The following RBFOX3 variants were observed in gnomAD, a reference collection of about 807,000 sequenced individuals.
The protein encoded by RBFOX3 is RNA binding protein fox-1 homolog 3.
A neutral mutation model predicts 48.7 loss-of-function variants in RBFOX3; 17 were observed. The ratio of observed to expected loss-of-function variants is 0.35; its 90% CI spans 0.24 to 0.52. RBFOX3 has a LOEUF of 0.52. RBFOX3 is among the 20% of genes least tolerant of loss of function. The pLI is 0.94. For synonymous variants in RBFOX3, 212 were observed against 209.5 expected, an observed-to-expected ratio of 1.01 and a Z score of -0.10; for missense variants, 382 against 497.5, an observed-to-expected ratio of 0.77 and a Z score of 2.21.
At chr17:79,395,451 A>G (rs1568174695) in intron 2 of RBFOX3, among the ~76,000 whole-genome samples, 2 of 152,336 alleles carry the variant, frequency 1.3e-5, no homozygotes, top group East Asian at 1.9e-4. Flanking sequence ...ACACGGCTCC[A>G]TTTGTACAGG....
At chr17:79,619,878 C>T in the RBFOX3 span, among the ~76,000 whole-genome samples, 3 of 152,186 alleles carry the variant, frequency 2.0e-5, 1 homozygote, top group East Asian at 5.8e-4. Context: ...CTCTGGCCGT[C>T]GTCCAGGTTG....
At chr17:79,442,995 T>C (rs1198282170) in intron 2 of RBFOX3, among the ~76,000 whole-genome samples, 2 of 152,220 alleles carry the variant, frequency 1.3e-5, no homozygotes, top group Admixed American at 6.5e-5. Flanking sequence ...CAGCTCGGCA[T>C]TGGTCAGAAG....
intron 1 of RBFOX3, among the ~76,000 whole-genome samples, chr17:79,518,230 G>A (rs1484874515): frequency 3.3e-5 from 5 of 152,168 alleles, no homozygotes; most frequent in East Asian, 3.9e-4. Flanking sequence ...TCCTCTTTTC[G>A]CCTTGGTGTT....
intron 3 of RBFOX3, among the ~76,000 whole-genome samples, chr17:79,297,190 A>T (rs1389018766): frequency 6.6e-6 from 1 of 152,070 alleles, no homozygotes; most frequent in Non-Finnish European, 1.5e-5. Flanking sequence ...GTCACATAAA[A>T]GCTGAATAAG....
At chr17:79,197,523 G>C (rs1032760050) in intron 4 of RBFOX3, among the ~76,000 whole-genome samples, 1 of 150,374 alleles carries the variant, frequency 6.7e-6, no homozygotes, top group Admixed American at 6.6e-5. Context: ...CGAGTAGCTG[G>C]GATTACAGGC....
rs62063962 is a variant in RBFOX3, at chr17:79,360,492, C to A, written c.-174-52668G>T. Among the ~76,000 whole-genome samples the A allele has an allele frequency of 2.6e-3, 396 of 152,234 alleles. 1 individual carries two copies. The highest frequency in any genetic ancestry group is 4.5e-3 in the Non-Finnish European group (303 of 68,020). On this transcript the variant is annotated intron_variant, in intron 2 of 14. Transcript: ENST00000693108. The stretch of plus-strand genomic sequence containing the variant: ...CAAAGGTGCCCGCGCTCAGCAGGGA[C>A]GTGAACAGTTTTCTTGACACTCCAT...
rs913066108 is a variant in RBFOX3 at position 79,220,377 on chromosome 17, C to T, written c.-34+15389G>A. Among the ~76,000 whole-genome samples the T allele has an allele frequency of 1.3e-5, 2 of 152,090 alleles. No individual in the cohort carries two copies. Among genetic ancestry groups the T allele is most frequent in the Non-Finnish European group, 2.9e-5 (2 of 68,034 alleles). Reference sequence around the variant, plus strand: ...GCGGCTCTCCTCTCTGCCTCCCGCTCGCTCCTGCTCACTCCAGGTCCTCTC... The same window carrying T: ...GCGGCTCTCCTCTCTGCCTCCCGCTTGCTCCTGCTCACTCCAGGTCCTCTC... On this transcript the variant is annotated intron_variant, in intron 4 of 14. Coordinates refer to ENST00000693108, the MANE Select transcript of RBFOX3 (RefSeq NM_001350451.2). The surrounding 1 kb of genome is among the most constrained non-coding windows in gnomAD (Gnocchi z 5.9).
At chr17:79,170,129 A>AG (rs1371346009) in intron 4 of RBFOX3, among the ~76,000 whole-genome samples, 1 of 145,090 alleles carries the variant, frequency 6.9e-6, no homozygotes, top group East Asian at 2.0e-4. Context: ...GAAGGAAGGA[A>AG]GGAGGAAGGA....
chr17:79,480,660 T>C lies in RBFOX3; in HGVS notation c.-175+1794A>G, dbSNP rs1023207963. On this transcript the variant is annotated intron_variant, in intron 2 of 14. Transcript: ENST00000693108. The surrounding 1 kb of genome is among the most constrained non-coding windows in gnomAD (Gnocchi z 4.8). The stretch of plus-strand genomic sequence containing the variant: ...GCCCACACGTTGCTGCCTCGGCGCC[T>C]TGGCACTGGCCATTCCCTCTGTCTG... Among the ~76,000 whole-genome samples, 1 of 152,240 alleles carries C rather than the reference T, an allele frequency of 6.6e-6. No homozygotes were observed. Among genetic ancestry groups the C allele is most frequent in the Non-Finnish European group, 1.5e-5 (1 of 68,008 alleles).
rs2149479080 is a variant in RBFOX3, at chr17:79,480,841, T to C, written c.-175+1613A>G. On this transcript the variant is annotated intron_variant, in intron 2 of 14. Transcript: ENST00000693108. This position sits in a 1 kb window ranked among gnomAD's most constrained non-coding sequence, Gnocchi z 4.8. ...CACTGCATTTATCTTCACAGCGTTA[T>C]GGCGCCTGACATACATTTATTCGCC... 6.6e-6 allele frequency among the ~76,000 whole-genome samples: 1 copy of C among 152,338 alleles called. No individual in the cohort carries two copies. The highest frequency in any genetic ancestry group is 1.5e-5 in the Non-Finnish European group (1 of 68,032).
At chr17:79,598,227 CA>C (rs1193733151) in intron 1 of RBFOX3, 1 of 152,318 alleles carries the variant, frequency 6.6e-6, no homozygotes, top group African/African-American at 2.4e-5. Context: ...ACTGCCTTTA[CA>C]CACGTGGCCA....
intron 4 of RBFOX3, among the ~76,000 whole-genome samples, chr17:79,211,028 C>G (rs1237296588): frequency 6.7e-6 from 1 of 149,246 alleles, no homozygotes; most frequent in Non-Finnish European, 1.5e-5. Context: ...GGGTGCGTGA[C>G]TCACATGTGC....
At chr17:79,521,582 C>T (rs2086108022) in intron 1 of RBFOX3, among the ~76,000 whole-genome samples, 2 of 151,330 alleles carry the variant, frequency 1.3e-5, no homozygotes, top group Non-Finnish European at 2.9e-5. Context: ...ACTCCACAGA[C>T]ATACACATTC....
At chr17:79,630,009 T>C in the RBFOX3 span, among the ~76,000 whole-genome samples, 6 of 152,232 alleles carry the variant, frequency 3.9e-5, no homozygotes, top group Admixed American at 2.0e-4. Flanking sequence ...TTTTGAATTT[T>C]ATGATTATAT....
chr17:79,306,004 A>AGGGTC (rs2145517355), intron 3 of RBFOX3, among the ~76,000 whole-genome samples: 1 of 152,324 alleles, frequency 6.6e-6, no homozygotes, highest in East Asian at 1.9e-4. Context: ...GAGCTCAGCT[A>AGGGTC]GAGTCGAGTT....
At chr17:79,289,780 G>T (rs1383302763) in intron 3 of RBFOX3, among the ~76,000 whole-genome samples, 2 of 152,228 alleles carry the variant, frequency 1.3e-5, no homozygotes, top group Non-Finnish European at 2.9e-5. Context: ...ATATAAAAAG[G>T]GGATAGTTCA....
Position 79,199,781 on chromosome 17 carries a change from C to T in RBFOX3, c.-34+35985G>A, listed in dbSNP as rs1173040058. On this transcript the variant is annotated intron_variant, in intron 4 of 14. Coordinates refer to ENST00000693108, the MANE Select transcript of RBFOX3 (RefSeq NM_001350451.2). The surrounding 1 kb of genome is among the most constrained non-coding windows in gnomAD (Gnocchi z 5.1). Reference sequence around the variant, plus strand: ...TTCTGAAGCACGCTGAACAAACCCACCCTGATGCTCCAGTCTGTCAGGAGA... The same window carrying T: ...TTCTGAAGCACGCTGAACAAACCCATCCTGATGCTCCAGTCTGTCAGGAGA... Among the ~76,000 whole-genome samples the T allele has an allele frequency of 6.6e-6, 1 of 152,184 alleles. No individual in the cohort carries two copies. Among genetic ancestry groups the T allele is most frequent in the Non-Finnish European group, 1.5e-5 (1 of 68,042 alleles).
chr17:79,452,924 C>T (rs1445609197), intron 2 of RBFOX3, among the ~76,000 whole-genome samples: 39 of 152,320 alleles, frequency 2.6e-4, no homozygotes, highest in Non-Finnish European at 1.0e-4. Context: ...ATCCCGCTCA[C>T]GGCCCCCCGG....
At chr17:79,644,139 A>G in the RBFOX3 span, among the ~76,000 whole-genome samples, 2 of 152,170 alleles carry the variant, frequency 1.3e-5, no homozygotes, top group Non-Finnish European at 2.9e-5. Context: ...CAACTTACCA[A>G]AATTGACACA....
Sources: allele counts gnomAD v4.1 joint callset (sites outside exome capture counted in the v4.1 genomes callset), GRCh38; gene constraint gnomAD v4.1.1; non-coding constraint Gnocchi (gnomAD v3.1); transcripts MANE v1.5; gene names NCBI Gene and HGNC (gene_info 2026-07-23, HGNC 2026-07-21).